Variants in NRXN1 observed in about 807,000 individuals in gnomAD.
NRXN1 encodes neurexin 1.
A neutral mutation model predicts 150.9 loss-of-function variants in NRXN1; 39 were observed. The ratio of observed to expected loss-of-function variants is 0.26; its 90% CI spans 0.20 to 0.34. The LOEUF (loss-of-function observed/expected upper bound fraction) is 0.34. NRXN1 is among the 10% of genes least tolerant of loss of function. The pLI is 1.00. For synonymous variants in NRXN1, 924 were observed against 757.0 expected, an observed-to-expected ratio of 1.22 and a Z score of -3.62; for missense variants, 1,815 against 1,949.9, an observed-to-expected ratio of 0.93 and a Z score of 1.30.
At chr2:50,145,155 T>A (rs951781306) in intron 18 of NRXN1, among the ~76,000 whole-genome samples, 1 of 151,702 alleles carries the variant, frequency 6.6e-6, no homozygotes, top group Non-Finnish European at 1.5e-5. Context: ...TTTTAAAAAC[T>A]GCATTTGAAA....
chr2:50,194,101 C>T (rs185055823), intron 18 of NRXN1, among the ~76,000 whole-genome samples: 92 of 152,306 alleles, frequency 6.0e-4, no homozygotes, highest in Admixed American at 5.6e-3. Context: ...GATAGGGGAA[C>T]TACAACTCAG....
chr2:49,946,296 A>T (rs1247909315), intron 21 of NRXN1, among the ~76,000 whole-genome samples: 2 of 152,166 alleles, frequency 1.3e-5, no homozygotes, highest in Non-Finnish European at 2.9e-5. Context: ...GACCTTTGTC[A>T]GACAGATAGA....
At chr2:50,447,704 A>C (rs1008241038) in intron 17 of NRXN1, among the ~76,000 whole-genome samples, 4 of 131,218 alleles carry the variant, frequency 3.0e-5, no homozygotes, top group South Asian at 4.7e-4. Context: ...AGATTCCTAG[A>C]TTTTTAAAAA....
intron 18 of NRXN1, among the ~76,000 whole-genome samples, chr2:50,178,466 A>G (rs1429253387): frequency 6.6e-6 from 1 of 152,070 alleles, no homozygotes; most frequent in African/African-American, 2.4e-5. Context: ...CTACAATACC[A>G]CATATAATTT....
chr2:50,210,970 T>A (rs2062972162), intron 18 of NRXN1, among the ~76,000 whole-genome samples: 1 of 151,724 alleles, frequency 6.6e-6, no homozygotes, highest in East Asian at 1.9e-4. Flanking sequence ...TTACTAGAAA[T>A]TCCCAAACAA....
intron 2 of NRXN1, among the ~76,000 whole-genome samples, chr2:50,995,446 A>C (rs1431947057): frequency 6.6e-6 from 1 of 151,856 alleles, no homozygotes; most frequent in East Asian, 1.9e-4. Context: ...CTACACAACA[A>C]ATACAAAAAT....
At chr2:50,793,215 A>C (rs1239902095) in intron 5 of NRXN1, among the ~76,000 whole-genome samples, 1 of 152,156 alleles carries the variant, frequency 6.6e-6, no homozygotes, top group Non-Finnish European at 1.5e-5. Flanking sequence ...TCTTAAGAGT[A>C]ATGTTAGATG....
chr2:50,227,244 A>G (rs570490910), intron 18 of NRXN1, among the ~76,000 whole-genome samples: 5 of 152,088 alleles, frequency 3.3e-5, no homozygotes, highest in African/African-American at 1.2e-4. Context: ...CTGGAGAAGT[A>G]AATTACTAAG....
At chr2:50,638,189 T>A (rs1184563717) in intron 5 of NRXN1, among the ~76,000 whole-genome samples, 1 of 152,148 alleles carries the variant, frequency 6.6e-6, no homozygotes, top group Non-Finnish European at 1.5e-5. Flanking sequence ...CCTGGAAAAC[T>A]TTCTACAAGA....
At chr2:50,412,319 AAAAT>A (rs1342671349) in intron 17 of NRXN1, among the ~76,000 whole-genome samples, 1 of 107,730 alleles carries the variant, frequency 9.3e-6, no homozygotes, top group Non-Finnish European at 1.7e-5. Flanking sequence ...AAATACTAAA[AAAAT>A]AAATAAAAAA....
chr2:50,635,678 G>C (rs1052239337), intron 5 of NRXN1, among the ~76,000 whole-genome samples: 3 of 152,118 alleles, frequency 2.0e-5, no homozygotes, highest in African/African-American at 7.2e-5. Context: ...GGTAAAAAAA[G>C]CTAACCTCTT....
chr2:50,255,543 C>T (rs2067616343), intron 17 of NRXN1, among the ~76,000 whole-genome samples: 1 of 152,120 alleles, frequency 6.6e-6, no homozygotes, highest in Non-Finnish European at 1.5e-5. Context: ...GATCCTTGAA[C>T]ACTCAGGTCC....
intron 12 of NRXN1, among the ~76,000 whole-genome samples, chr2:50,514,990 C>T (rs1395839017): frequency 1.3e-5 from 2 of 152,100 alleles, no homozygotes; most frequent in Admixed American, 6.6e-5. Context: ...GGGCTCCCCA[C>T]CCCCCAGGCC....
At chr2:50,981,276 G>T (rs931174958) in intron 2 of NRXN1, among the ~76,000 whole-genome samples, 1 of 151,398 alleles carries the variant, frequency 6.6e-6, no homozygotes, top group African/African-American at 2.4e-5. Flanking sequence ...GGCCAACATG[G>T]TGAAACCCCT....
Position 50,053,348 on chromosome 2 carries a change from T to C in NRXN1, c.4051A>G (p.Ile1351Val), listed in dbSNP as rs1472531577. The C allele has an allele frequency of 6.2e-7, 1 of 1,613,930 alleles. No homozygotes were observed. Among genetic ancestry groups the C allele is most frequent in the Non-Finnish European group, 8.5e-7 (1 of 1,179,932 alleles). Reference sequence around the variant, plus strand: ...GCCAGGGTCGTGGTAGTCTCCATAATTGATGTGGACATCTCTGATTGCATG... The same window carrying C: ...GCCAGGGTCGTGGTAGTCTCCATAACTGATGTGGACATCTCTGATTGCATG... ...TAMQSEMSTS[I>V]METTTTLATS... is the part of the protein sequence containing the mutation. Residue 1351 changes from isoleucine (I) to valine (V), a missense_variant, in exon 21 of 23, where the codon ATT (isoleucine) becomes GTT (valine). Around this residue, in one of 6 missense-constraint regions of NRXN1, gnomAD observed 265 missense variants for 307.1 expected, o/e 0.86. Coordinates refer to ENST00000401669, the MANE Select transcript of NRXN1 (RefSeq NM_001330078.2).
intron 8 of NRXN1, among the ~76,000 whole-genome samples, chr2:50,556,727 A>T (rs888190812): frequency 4.6e-5 from 7 of 152,150 alleles, no homozygotes; most frequent in Non-Finnish European, 1.0e-4. Context: ...GATAATCCTG[A>T]AAACATGACA....
chr2:51,022,377 G>C (rs1033604839), intron 2 of NRXN1, among the ~76,000 whole-genome samples: 1 of 152,014 alleles, frequency 6.6e-6, no homozygotes, highest in African/African-American at 2.4e-5. Context: ...CAGGCAGTCT[G>C]GCCCAAGAGT....
intron 2 of NRXN1, among the ~76,000 whole-genome samples, chr2:51,004,724 T>C (rs528213272): frequency 6.6e-6 from 1 of 152,046 alleles, no homozygotes; most frequent in African/African-American, 2.4e-5. Context: ...CCCTCTCACC[T>C]ATAAATGTTA....
chr2:50,264,688 A>C (rs2068655757), intron 17 of NRXN1, among the ~76,000 whole-genome samples: 3 of 152,112 alleles, frequency 2.0e-5, no homozygotes. Context: ...CCCCCAGAAT[A>C]TTATAACACA....
Sources: allele counts gnomAD v4.1 joint callset (sites outside exome capture counted in the v4.1 genomes callset), GRCh38; gene constraint gnomAD v4.1.1; regional missense constraint gnomAD v4.1.1; transcripts MANE v1.5; gene names NCBI Gene and HGNC (gene_info 2026-07-23, HGNC 2026-07-21).